Variants in FAM135B observed in about 807,000 individuals in gnomAD.
FAM135B encodes protein FAM135B.
Under a neutral mutation model 127.7 loss-of-function variants are expected in FAM135B, and 43 were observed. The observed-to-expected ratio is 0.34, with a 90% CI of 0.26 to 0.43. The LOEUF (loss-of-function observed/expected upper bound fraction) is 0.43. FAM135B is among the 20% of genes least tolerant of loss of function. FAM135B has a pLI of 1.00. For missense variants in FAM135B, 1,558 were observed against 1,725.6 expected (o/e 0.90, Z 1.72); for synonymous variants, 670 against 665.1 (o/e 1.01, Z -0.11).
chr8:138,255,926 G>A (rs949696735), intron 5 of FAM135B, among the ~76,000 whole-genome samples: 11 of 152,160 alleles, frequency 7.2e-5, no homozygotes, highest in African/African-American at 2.4e-4. Context: ...AAGAAAGGGG[G>A]GATATGAAGC....
intron 9 of FAM135B, among the ~76,000 whole-genome samples, chr8:138,183,095 G>A (rs940768156): frequency 1.0e-4 from 14 of 140,066 alleles, no homozygotes; most frequent in Middle Eastern, 4.0e-3. Flanking sequence ...CCACCCAGGT[G>A]CCCTCTCCTA....
In FAM135B at chr8:138,152,278, T is replaced by C. The variant is rs1818236310; in HGVS notation, c.2197A>G (p.Thr733Ala). The change falls in exon 13 of 20, where the codon ACA (threonine) becomes GCA (alanine). Residue 733 changes from threonine to alanine, a missense_variant. Thr to Ala is a moderately conservative substitution (Grantham distance 58). Transcript: ENST00000395297. ...CTTGGCAAACTTGTGTTACTTTCTG[T>C]GTGTCCACCCTCTAGGGAGTTCCGG... ...LHRNSLEGGH[T>A]ESNTSLPSGI... 2 of 1,614,100 alleles carry C rather than the reference T, an allele frequency of 1.2e-6. No homozygotes were observed. The highest frequency in any genetic ancestry group is 4.5e-5 in the East Asian group (2 of 44,852).
chr8:138,274,763 C>G (rs939500717), intron 3 of FAM135B, among the ~76,000 whole-genome samples: 6 of 152,094 alleles, frequency 3.9e-5, no homozygotes, highest in Non-Finnish European at 5.9e-5. Flanking sequence ...AAGAATTCAG[C>G]AATATTTCTC....
intron 1 of FAM135B, among the ~76,000 whole-genome samples, chr8:138,432,018 C>T (rs1835215974): frequency 6.6e-6 from 1 of 152,198 alleles, no homozygotes; most frequent in Non-Finnish European, 1.5e-5. Context: ...CTAAACCAGC[C>T]ACTGGGCAGG....
intron 1 of FAM135B, among the ~76,000 whole-genome samples, chr8:138,388,221 C>T (rs1259978788): frequency 2.0e-5 from 3 of 152,116 alleles, no homozygotes; most frequent in African/African-American, 7.2e-5. Context: ...ATTAGAAGTG[C>T]CAAAATCCAG....
chr8:138,464,404 C>G (rs904619458), intron 1 of FAM135B, among the ~76,000 whole-genome samples: 5 of 152,160 alleles, frequency 3.3e-5, no homozygotes, highest in African/African-American at 7.2e-5. Context: ...AACCTCCCCC[C>G]CAACACATGG....
intron 9 of FAM135B, among the ~76,000 whole-genome samples, chr8:138,194,209 G>A (rs772932716): frequency 2.6e-5 from 4 of 151,988 alleles, no homozygotes; most frequent in South Asian, 4.2e-4. Context: ...CCCTGTTATC[G>A]CTACAAGCCA....
chr8:138,185,768 A>G (rs1815501844), intron 9 of FAM135B, among the ~76,000 whole-genome samples: 1 of 152,164 alleles, frequency 6.6e-6, no homozygotes, highest in South Asian at 2.1e-4. Context: ...TTAAACAACA[A>G]CAGCAACATT....
At chr8:138,365,989 T>C (rs1563939522) in intron 2 of FAM135B, among the ~76,000 whole-genome samples, 2 of 152,182 alleles carry the variant, frequency 1.3e-5, no homozygotes, top group Non-Finnish European at 2.9e-5. Context: ...CAATTGTAAA[T>C]AGACGTTCTA....
intron 1 of FAM135B, among the ~76,000 whole-genome samples, chr8:138,413,018 C>G (rs1006753146): frequency 2.0e-5 from 3 of 152,212 alleles, no homozygotes; most frequent in African/African-American, 7.2e-5. Context: ...GTGAAACTAT[C>G]AAGCCTCTTC....
intron 1 of FAM135B, among the ~76,000 whole-genome samples, chr8:138,455,618 T>C (rs760234060): frequency 6.6e-6 from 1 of 152,154 alleles, no homozygotes; most frequent in African/African-American, 2.4e-5. Context: ...GAAATAAGTA[T>C]CTAGGCCCAA....
At chr8:138,338,193 G>T (rs1197850111) in intron 2 of FAM135B, among the ~76,000 whole-genome samples, 1 of 152,002 alleles carries the variant, frequency 6.6e-6, no homozygotes, top group Admixed American at 6.6e-5. Context: ...CAGGACATAG[G>T]CATAGGCAAG....
Position 138,159,652 on chromosome 8 carries a change from T to C in FAM135B, c.1259-6436A>G, listed in dbSNP as rs548546302. Among the ~76,000 whole-genome samples the C allele has an allele frequency of 6.6e-5, 10 of 151,980 alleles. No individual in the cohort carries two copies. In the South Asian group the frequency reaches 1.9e-3, roughly 29 times the overall value. On this transcript the variant is annotated intron_variant, in intron 12 of 19. Coordinates refer to ENST00000395297, the MANE Select transcript of FAM135B (RefSeq NM_015912.4). ...ATAGCATTAGGCAATATATACCTAA[T>C]GTAAATGATGACTTAATGGGTGCAG...
At chr8:138,155,351 GT>G (rs1818621024) in intron 12 of FAM135B, among the ~76,000 whole-genome samples, 1 of 152,200 alleles carries the variant, frequency 6.6e-6, no homozygotes, top group African/African-American at 2.4e-5. Context: ...ATGCCAAATT[GT>G]AAAGACCATC....
intron 1 of FAM135B, among the ~76,000 whole-genome samples, chr8:138,371,451 C>T (rs1393998494): frequency 2.6e-5 from 4 of 152,134 alleles, no homozygotes; most frequent in Non-Finnish European, 5.9e-5. Context: ...CCAGCACACA[C>T]TGGGTGCTGA....
chr8:138,177,118 T>C (rs1814544669), intron 11 of FAM135B, among the ~76,000 whole-genome samples: 1 of 152,148 alleles, frequency 6.6e-6, no homozygotes, highest in Non-Finnish European at 1.5e-5. Flanking sequence ...TACAAAACCA[T>C]GATACTCAAT....
chr8:138,253,049 C>T (rs868308669), intron 5 of FAM135B, among the ~76,000 whole-genome samples: 15 of 152,280 alleles, frequency 9.9e-5, no homozygotes, highest in South Asian at 2.1e-4. Context: ...GATCCTCCTG[C>T]CTTGGCCTCC....
chr8:138,487,412 A>C (rs1025938369), intron 1 of FAM135B, among the ~76,000 whole-genome samples: 2 of 151,816 alleles, frequency 1.3e-5, no homozygotes, highest in East Asian at 1.9e-4. Flanking sequence ...GTGATCCGGG[A>C]CTTAATTAAG....
intron 8 of FAM135B, 120 bp from the exon 9 acceptor site, chr8:138,195,427 G>T: frequency 1.1e-6 from 1 of 886,736 alleles, no homozygotes; most frequent in Non-Finnish European, 1.8e-6. Flanking sequence ...CAAACACATT[G>T]CTGAGGACCT....
Sources: gnomAD v4.1 joint callset for allele counts (sites outside exome capture counted in the v4.1 genomes callset) on GRCh38, gnomAD v4.1.1 for gene constraint, MANE v1.5 for transcripts, NCBI Gene and HGNC (gene_info 2026-07-23, HGNC 2026-07-21) for gene names.